LIN28A: variants seen among roughly 807,000 people sequenced by gnomAD.
LIN28A encodes protein lin-28 homolog A.
Under a neutral mutation model 21.1 loss-of-function variants are expected in LIN28A, and 11 were observed. That is an observed-to-expected ratio of 0.52 (90% CI 0.33 to 0.86). The LOEUF is 0.86. LIN28A is among the 40% of genes least tolerant of loss of function. The pLI is 0.03. For missense variants in LIN28A, 219 were observed against 279.8 expected (o/e 0.78, Z 1.55); for synonymous variants, 111 against 108.7 (o/e 1.02, Z -0.13).
intron 2 of LIN28A, among the ~76,000 whole-genome samples, chr1:26,421,982 C>T (rs997736295): frequency 4.7e-5 from 7 of 150,024 alleles, no homozygotes; most frequent in East Asian, 2.0e-4. Context: ...TATTTCAGTG[C>T]GTATTTCCCA....
At chr1:26,416,897 G>T (rs2074996801) in intron 2 of LIN28A, among the ~76,000 whole-genome samples, 1 of 152,152 alleles carries the variant, frequency 6.6e-6, no homozygotes, top group Admixed American at 6.5e-5. Flanking sequence ...TGGATTTACA[G>T]GCATGAGCCA....
chr1:26,425,561 C>A, intron 3 of LIN28A, 74 bp downstream of exon 3: 1 of 1,402,174 alleles, frequency 7.1e-7, no homozygotes, highest in Non-Finnish European at 9.9e-7. Flanking sequence ...CTTTTTGGGT[C>A]ACACTGCAAA....
intron 2 of LIN28A, among the ~76,000 whole-genome samples, chr1:26,419,722 T>A (rs2075017544): frequency 6.6e-6 from 1 of 152,076 alleles, no homozygotes; most frequent in South Asian, 2.1e-4. Context: ...TATAGATGAT[T>A]AAAGAAAGGA....
chr1:26,413,307 C>A (rs146938224), intron 2 of LIN28A, among the ~76,000 whole-genome samples: 1 of 152,254 alleles, frequency 6.6e-6, no homozygotes, highest in East Asian at 1.9e-4. Context: ...TAGGGAGGGG[C>A]TGAGGGGAAT....
intron 2 of LIN28A, among the ~76,000 whole-genome samples, chr1:26,423,018 C>T (rs886272922): frequency 4.6e-5 from 7 of 152,014 alleles, no homozygotes; most frequent in South Asian, 2.1e-4. Context: ...CTACAACCTC[C>T]GCCTCATGGG....
chr1:26,416,945 A>G (rs540447309), intron 2 of LIN28A, among the ~76,000 whole-genome samples: 1 of 151,654 alleles, frequency 6.6e-6, no homozygotes, highest in South Asian at 2.1e-4. Context: ...TAATTTAGAC[A>G]GGACTTGGCT....
intron 2 of LIN28A, among the ~76,000 whole-genome samples, chr1:26,424,381 A>G (rs753756952): frequency 6.6e-6 from 1 of 151,892 alleles, no homozygotes; most frequent in Non-Finnish European, 1.5e-5. Flanking sequence ...AGCTGGGATT[A>G]CAGGCGCCCA....
intron 2 of LIN28A, among the ~76,000 whole-genome samples, chr1:26,416,475 A>G (rs1371639226): frequency 6.6e-6 from 1 of 152,196 alleles, no homozygotes; most frequent in African/African-American, 2.4e-5. Flanking sequence ...TTTTTGGAGT[A>G]ACTGCCCTAG....
Position 26,411,021 on chromosome 1 carries a change from G to A in LIN28A, c.31+99G>A. The A allele has an allele frequency of 6.9e-7, 1 of 1,445,752 alleles. No homozygotes were observed. The highest frequency in any genetic ancestry group is 1.3e-5 in the South Asian group (1 of 74,378). The allele number at this position is 1,445,752 out of a possible 1,614,324, so 89.6% of individuals were successfully genotyped here. A position where few individuals can be genotyped will look rare whatever the true frequency, so the allele number is the denominator to read the frequency against. ...GAACTGAGTCCTAGGCTGCCCAAAGGACCCCAAGACGGTGCGGCCTTCTGC... is the reference window on the plus strand; with the variant it reads ...GAACTGAGTCCTAGGCTGCCCAAAGAACCCCAAGACGGTGCGGCCTTCTGC... On this transcript the variant is annotated intron_variant, in intron 1 of 3. Transcript: ENST00000326279. The surrounding 1 kb of genome is among the most constrained non-coding windows in gnomAD (Gnocchi z 5.4).
At chr1:26,418,255 G>T (rs528008995) in intron 2 of LIN28A, among the ~76,000 whole-genome samples, 230 of 152,196 alleles carry the variant, frequency 1.5e-3, no homozygotes, top group Non-Finnish European at 2.8e-3. Context: ...AAAAGAAAAA[G>T]AAATGCTTGG....
chr1:26,411,003 G>C lies in LIN28A; in HGVS notation c.31+81G>C, dbSNP rs954448559. 5.2e-6 allele frequency: 8 copies of C among 1,530,096 alleles called. 1 individual carries two copies. The South Asian group carries it at 8.6e-5, about 16-fold the overall frequency. 94.8% of individuals were successfully genotyped at this position (1,530,096 alleles called of 1,614,324 possible). ...ACGTAGAAGGGAGGTGGGGAACTGA[G>C]TCCTAGGCTGCCCAAAGGACCCCAA... On this transcript the variant is annotated intron_variant, in intron 1 of 3. Transcript: ENST00000326279. This position sits in a 1 kb window ranked among gnomAD's most constrained non-coding sequence, Gnocchi z 5.4.
chr1:26,415,254 A>T (rs1034898466), intron 2 of LIN28A, among the ~76,000 whole-genome samples: 3 of 152,180 alleles, frequency 2.0e-5, no homozygotes, highest in South Asian at 2.1e-4. Context: ...CCCTGTAGCC[A>T]GGTGGCCTTC....
chr1:26,411,241 G>A lies in LIN28A; in HGVS notation c.32-145G>A, dbSNP rs1032853309. ...GGAACGCGGGAGGCGACCGGGATAG[G>A]TTTCTTCTCTTCTGTTGCTTGGTAG... On this transcript the variant is annotated intron_variant, in intron 1 of 3. Transcript: ENST00000326279. The surrounding 1 kb of genome is among the most constrained non-coding windows in gnomAD (Gnocchi z 5.4). 24 of 841,612 alleles carry A rather than the reference G, an allele frequency of 2.9e-5. No individual in the cohort carries two copies. The highest frequency in any genetic ancestry group is 3.6e-4 in the Middle Eastern group (1 of 2,770). The allele number at this position is 841,612 out of a possible 1,614,324, so 52.1% of individuals were successfully genotyped here. A position where few individuals can be genotyped will look rare whatever the true frequency, so the allele number is the denominator to read the frequency against.
intron 2 of LIN28A, among the ~76,000 whole-genome samples, chr1:26,416,379 C>T (rs1168022837): frequency 6.6e-6 from 1 of 152,192 alleles, no homozygotes; most frequent in African/African-American, 2.4e-5. Context: ...ACACTGCTGC[C>T]TGCCTTACAA....
intron 2 of LIN28A, among the ~76,000 whole-genome samples, chr1:26,421,853 AC>A (rs1292590391): frequency 6.6e-6 from 1 of 151,766 alleles, no homozygotes; most frequent in African/African-American, 2.4e-5. Context: ...CATAACCTCT[AC>A]CCAGATTCAT....
intron 2 of LIN28A, among the ~76,000 whole-genome samples, chr1:26,417,902 G>A (rs890601965): frequency 5.3e-5 from 8 of 152,140 alleles, no homozygotes; most frequent in Non-Finnish European, 1.0e-4. Context: ...AGCCTCTTGC[G>A]GAAGAGCCAA....
At chr1:26,412,193 G>C (rs1256879719) in intron 2 of LIN28A, among the ~76,000 whole-genome samples, 1 of 152,214 alleles carries the variant, frequency 6.6e-6, no homozygotes, top group Non-Finnish European at 1.5e-5. Context: ...CGTGAGGAAG[G>C]AAAACCCAAA....
Position 26,411,560 on chromosome 1 carries a change from C to A in LIN28A, c.206C>A (p.Pro69Gln). Residue 69 changes from proline (P) to glutamine (Q), a missense_variant, in exon 2 of 4, where the codon CCA becomes CAA. Around this residue, in one of 3 missense-constraint regions of LIN28A, gnomAD observed 124 missense variants for 193.1 expected, o/e 0.64. Transcript: ENST00000326279. This position sits in a 1 kb window ranked among gnomAD's most constrained non-coding sequence, Gnocchi z 5.4. ...CGCGCCGGGGTCGCGCTCGACCCCC[C>A]AGTGGATGTCTTTGTGCACCAGGTG... ...TARAGVALDP[P>Q]VDVFVHQSKL... 6.2e-7 allele frequency: 1 copy of A among 1,613,734 alleles called. No individual in the cohort carries two copies. The highest frequency in any genetic ancestry group is 8.5e-7 in the Non-Finnish European group (1 of 1,179,906).
At chr1:26,423,909 C>T (rs1474062148) in intron 2 of LIN28A, among the ~76,000 whole-genome samples, 1 of 151,852 alleles carries the variant, frequency 6.6e-6, no homozygotes, top group Non-Finnish European at 1.5e-5. Flanking sequence ...ACTACAGGCA[C>T]CCGCCACCAC....
Sources: gnomAD v4.1 joint callset for allele counts (sites outside exome capture counted in the v4.1 genomes callset) on GRCh38, gnomAD v4.1.1 for gene constraint, gnomAD v4.1.1 regional missense constraint, Gnocchi (gnomAD v3.1) non-coding constraint, MANE v1.5 for transcripts, NCBI Gene and HGNC (gene_info 2026-07-23, HGNC 2026-07-21) for gene names.